RAP1A: variants seen among roughly 807,000 people sequenced by gnomAD.
RAP1A encodes the protein RAP1A, member of RAS oncogene family.
Under a neutral mutation model 26.4 loss-of-function variants are expected in RAP1A, and 6 were observed. The ratio of observed to expected loss-of-function variants is 0.23; its 90% CI spans 0.12 to 0.45. The LOEUF is 0.45. Among genes scored for constraint, RAP1A ranks in the 20% least tolerant of loss-of-function variants. The pLI, the probability that RAP1A is intolerant of heterozygous loss-of-function variation, is 0.99. For missense variants in RAP1A, 121 were observed against 217.2 expected (o/e 0.56, Z 2.78); for synonymous variants, 73 against 79.4 (o/e 0.92, Z 0.43).
At chr1:111,711,877 T>C (rs1166391288) in intron 7 of RAP1A, among the ~76,000 whole-genome samples, 1 of 152,194 alleles carries the variant, frequency 6.6e-6, no homozygotes, top group Non-Finnish European at 1.5e-5. Flanking sequence ...TTTACCTGAT[T>C]CTTGTCTGTT....
intron 1 of RAP1A, among the ~76,000 whole-genome samples, chr1:111,658,083 A>G (rs187698259): frequency 1.3e-5 from 2 of 152,292 alleles, no homozygotes; most frequent in Admixed American, 6.5e-5. Flanking sequence ...AAAATAATAT[A>G]TATTCTTTCA....
At chr1:111,630,183 T>C (rs1029723215) in intron 1 of RAP1A, among the ~76,000 whole-genome samples, 7 of 152,270 alleles carry the variant, frequency 4.6e-5, no homozygotes, top group African/African-American at 1.4e-4. Flanking sequence ...GACTTTTATA[T>C]GCTTCTATCC....
intron 1 of RAP1A, among the ~76,000 whole-genome samples, chr1:111,638,406 G>A (rs1047907645): frequency 6.6e-6 from 1 of 151,058 alleles, no homozygotes; most frequent in Non-Finnish European, 1.5e-5. Flanking sequence ...TATATGTGCT[G>A]GTCTTTTTCT....
At chr1:111,583,861 A>G (rs1002602525) in intron 1 of RAP1A, among the ~76,000 whole-genome samples, 1 of 148,806 alleles carries the variant, frequency 6.7e-6, no homozygotes, top group Non-Finnish European at 1.5e-5. Flanking sequence ...ACAACTGTCT[A>G]TACAATTGTT....
Position 111,672,831 on chromosome 1 carries a change from A to G in RAP1A, c.-27-18503A>G, listed in dbSNP as rs11102322. 7.0e-3 allele frequency among the ~76,000 whole-genome samples: 1,064 copies of G among 152,274 alleles called. 12 individuals are homozygous for G. The highest frequency in any genetic ancestry group is 0.023 in the African/African-American group (972 of 41,554). On this transcript the variant is annotated intron_variant, in intron 1 of 7. Transcript: ENST00000369709. ...TTTAGGGTTTGGAATTTTAACTACA[A>G]TATGTTCAGGTGCAAGAATCTTTTT...
chr1:111,594,749 A>G (rs1267112305), intron 1 of RAP1A, among the ~76,000 whole-genome samples: 1 of 152,186 alleles, frequency 6.6e-6, no homozygotes, highest in African/African-American at 2.4e-5. Flanking sequence ...TGATGAATAA[A>G]TGAAAATCTT....
intron 1 of RAP1A, among the ~76,000 whole-genome samples, chr1:111,661,659 C>G (rs976699943): frequency 6.6e-6 from 1 of 151,918 alleles, no homozygotes; most frequent in Non-Finnish European, 1.5e-5. Flanking sequence ...ATTAGCCGGG[C>G]GTGGTGGCGC....
intron 1 of RAP1A, among the ~76,000 whole-genome samples, chr1:111,691,029 A>G (rs756994512): frequency 5.9e-5 from 9 of 152,230 alleles, no homozygotes; most frequent in Non-Finnish European, 1.2e-4. Flanking sequence ...TGGGTTTATC[A>G]TTGTAGTCAT....
At chr1:111,686,370 G>A (rs910977146) in intron 1 of RAP1A, among the ~76,000 whole-genome samples, 5 of 152,122 alleles carry the variant, frequency 3.3e-5, no homozygotes, top group African/African-American at 4.8e-5. Flanking sequence ...AGGCCGAGGC[G>A]TCTTGAGCCT....
At chr1:111,598,549 A>G (rs993537876) in intron 1 of RAP1A, among the ~76,000 whole-genome samples, 2 of 152,190 alleles carry the variant, frequency 1.3e-5, no homozygotes, top group Non-Finnish European at 1.5e-5. Flanking sequence ...AACCATCCCA[A>G]GCCTACATTG....
At chr1:111,632,235 T>A (rs1317000230) in intron 1 of RAP1A, among the ~76,000 whole-genome samples, 1 of 152,014 alleles carries the variant, frequency 6.6e-6, no homozygotes, top group Admixed American at 6.6e-5. Flanking sequence ...CTTTTTTTTT[T>A]TTTTAAACTA....
At chr1:111,697,592 G>A in intron 4 of RAP1A, 95 bp downstream of exon 4, 1 of 1,556,492 alleles carries the variant, frequency 6.4e-7, no homozygotes, top group Non-Finnish European at 8.7e-7. Flanking sequence ...CTGAGTAAAA[G>A]TAATCATTCT....
At chr1:111,672,297 A>G (rs1660999259) in intron 1 of RAP1A, among the ~76,000 whole-genome samples, 1 of 152,128 alleles carries the variant, frequency 6.6e-6, no homozygotes, top group African/African-American at 2.4e-5. Context: ...ATATTAACAT[A>G]TTTATATACA....
chr1:111,698,328 G>T (rs986025070), intron 4 of RAP1A, among the ~76,000 whole-genome samples: 6 of 152,182 alleles, frequency 3.9e-5, no homozygotes, highest in Non-Finnish European at 7.3e-5. Context: ...AGGCTAGGGT[G>T]TAGTGGTGCA....
At chr1:111,635,542 A>G (rs1010203902) in intron 1 of RAP1A, among the ~76,000 whole-genome samples, 4 of 152,056 alleles carry the variant, frequency 2.6e-5, no homozygotes, top group African/African-American at 9.7e-5. Flanking sequence ...CAAAGTTGGG[A>G]TTGATGTTTC....
intron 1 of RAP1A, chr1:111,648,372 G>T (rs1261514292): frequency 9.4e-6 from 6 of 638,832 alleles, no homozygotes; most frequent in East Asian, 3.3e-5. Flanking sequence ...TGGATGGTTC[G>T]CATGGAGTTG....
intron 1 of RAP1A, among the ~76,000 whole-genome samples, chr1:111,634,837 G>T (rs1223048510): frequency 1.3e-5 from 2 of 151,882 alleles, no homozygotes; most frequent in Non-Finnish European, 2.9e-5. Flanking sequence ...TAGAGACGGG[G>T]TTTCACCATG....
chr1:111,639,033 C>G (rs906502020), intron 1 of RAP1A, among the ~76,000 whole-genome samples: 1 of 152,082 alleles, frequency 6.6e-6, no homozygotes, highest in Admixed American at 6.5e-5. Flanking sequence ...ATACTTGGAA[C>G]CATAACATTT....
chr1:111,664,176 C>T (rs1033902810), intron 1 of RAP1A, among the ~76,000 whole-genome samples: 18 of 152,034 alleles, frequency 1.2e-4, no homozygotes, highest in African/African-American at 3.9e-4. Context: ...GAGTTCAAGA[C>T]GAGCCTGGCC....
Sources: allele counts gnomAD v4.1 joint callset (sites outside exome capture counted in the v4.1 genomes callset), GRCh38; gene constraint gnomAD v4.1.1; transcripts MANE v1.5; gene names NCBI Gene and HGNC (gene_info 2026-07-23, HGNC 2026-07-21).